The following EFCAB7 variants were observed in gnomAD, a reference collection of about 807,000 sequenced individuals.
EFCAB7 encodes the protein EF-hand calcium binding domain 7.
Under a neutral mutation model 77.1 loss-of-function variants are expected in EFCAB7, and 66 were observed. The ratio of observed to expected loss-of-function variants is 0.86; its 90% CI spans 0.70 to 1.05. The LOEUF (loss-of-function observed/expected upper bound fraction) is 1.05, where lower values mean the gene tolerates loss of function less well. Ranked by LOEUF, EFCAB7 falls within the 50% of genes least tolerant of loss-of-function variation. The pLI, the probability that EFCAB7 is intolerant of heterozygous loss-of-function variation, is 0.00. For synonymous variants in EFCAB7, 225 were observed against 243.3 expected, an observed-to-expected ratio of 0.92 and a Z score of 0.70; for missense variants, 638 against 730.5, an observed-to-expected ratio of 0.87 and a Z score of 1.46.
downstream of EFCAB7, among the ~76,000 whole-genome samples, chr1:63,576,309 G>A (rs1366382633): frequency 2.0e-5 from 3 of 149,072 alleles, no homozygotes; most frequent in Admixed American, 1.3e-4. Context: ...GTGAAACTCT[G>A]TCTCTACTAA....
intron 11 of EFCAB7, among the ~76,000 whole-genome samples, chr1:63,562,449 T>TTATTTATATATA (rs1393426376): frequency 8.9e-5 from 2 of 22,466 alleles, no homozygotes; most frequent in Non-Finnish European, 7.5e-5. Context: ...CTTAATTTAT[T>TTATTTATATATA]TATATATATA....
At chr1:63,582,860 C>T in the EFCAB7 span, among the ~76,000 whole-genome samples, 1 of 152,194 alleles carries the variant, frequency 6.6e-6, no homozygotes, top group Non-Finnish European at 1.5e-5. Flanking sequence ...CCACCTCGGC[C>T]TCCCAAAGTG....
At chr1:63,537,603 G>A (rs1317650426) in intron 6 of EFCAB7, among the ~76,000 whole-genome samples, 1 of 152,040 alleles carries the variant, frequency 6.6e-6, no homozygotes, top group Admixed American at 6.6e-5. Flanking sequence ...ATGTTGATCA[G>A]TTCAACCTGT....
At chr1:63,527,509 A>G (rs1646615371) in intron 2 of EFCAB7, among the ~76,000 whole-genome samples, 1 of 51,108 alleles carries the variant, frequency 2.0e-5, no homozygotes. Flanking sequence ...CTTTTTTGTC[A>G]ATTTATAAAT....
intron 1 of EFCAB7, among the ~76,000 whole-genome samples, chr1:63,525,050 A>G (rs1207819774): frequency 6.6e-6 from 1 of 152,200 alleles, no homozygotes; most frequent in Non-Finnish European, 1.5e-5. Flanking sequence ...GGTGTCAACT[A>G]CCACTCATAT....
intron 10 of EFCAB7, among the ~76,000 whole-genome samples, chr1:63,558,292 G>C (rs1180265877): frequency 6.6e-6 from 1 of 152,158 alleles, no homozygotes; most frequent in Non-Finnish European, 1.5e-5. Context: ...TTTGTGATAA[G>C]TAAAATTCTA....
intron 4 of EFCAB7, 107 bp downstream of exon 4, chr1:63,532,863 G>A: frequency 1.2e-6 from 1 of 816,536 alleles, no homozygotes; most frequent in Non-Finnish European, 2.0e-6. Flanking sequence ...TACATGCAAT[G>A]TTTTGATATA....
chr1:63,581,740 C>G, the EFCAB7 span, among the ~76,000 whole-genome samples: 2 of 152,070 alleles, frequency 1.3e-5, no homozygotes, highest in Non-Finnish European at 2.9e-5. Flanking sequence ...AAAAAACTCA[C>G]TGCATAGCCT....
At chr1:63,532,624 G>C in intron 3 of EFCAB7, 46 bp from the exon 4 acceptor site, 2 of 1,465,470 alleles carry the variant, frequency 1.4e-6, no homozygotes, top group Non-Finnish European at 1.9e-6. Context: ...GAATAACAAA[G>C]GAGTAATCAT....
intron 6 of EFCAB7, among the ~76,000 whole-genome samples, chr1:63,542,307 A>T (rs759715627): frequency 3.3e-5 from 5 of 152,236 alleles, no homozygotes; most frequent in Non-Finnish European, 7.3e-5. Context: ...AGACTGAATA[A>T]TATTCCCTTG....
intron 2 of EFCAB7, chr1:63,529,332 T>G (rs1009569528): frequency 1.3e-5 from 2 of 152,208 alleles, no homozygotes; most frequent in Non-Finnish European, 2.9e-5. Context: ...GAAGAGAATT[T>G]TATTTATGGA....
chr1:63,525,862 C>G, intron 2 of EFCAB7, 103 bp downstream of exon 2: 1 of 767,442 alleles, frequency 1.3e-6, no homozygotes, highest in Non-Finnish European at 2.0e-6. Context: ...ATCCCAGTTT[C>G]TTAGTGAAGC....
At chr1:63,566,338 G>C (rs1353869466) in intron 11 of EFCAB7, among the ~76,000 whole-genome samples, 1 of 152,190 alleles carries the variant, frequency 6.6e-6, no homozygotes, top group Non-Finnish European at 1.5e-5. Context: ...ACACACTAGA[G>C]CCTATCAGAG....
At chr1:63,570,449 C>G (rs1049953180) in intron 12 of EFCAB7, 2 of 152,194 alleles carry the variant, frequency 1.3e-5, no homozygotes, top group Non-Finnish European at 2.9e-5. Context: ...CTAAATACCT[C>G]TGTTACAAGA....
chr1:63,573,191 T>C (rs547353338), downstream of EFCAB7, among the ~76,000 whole-genome samples: 29 of 152,150 alleles, frequency 1.9e-4, no homozygotes, highest in African/African-American at 6.7e-4. Context: ...TATGGAGAGA[T>C]AATGCCGGGT....
chr1:63,531,191 C>T (rs1030537505), intron 2 of EFCAB7, among the ~76,000 whole-genome samples: 33 of 152,040 alleles, frequency 2.2e-4, no homozygotes, highest in African/African-American at 8.0e-4. Flanking sequence ...ACTTAAGTTC[C>T]CCTTCCCAGT....
intron 12 of EFCAB7, chr1:63,569,810 A>G (rs1322765712): frequency 1.3e-5 from 2 of 152,220 alleles, no homozygotes; most frequent in Non-Finnish European, 2.9e-5. Flanking sequence ...CAGTTTTCAA[A>G]TGGACCAATC....
At chr1:63,557,423 G>A (rs757779109) in intron 10 of EFCAB7, among the ~76,000 whole-genome samples, 176 bp downstream of exon 10, 1 of 152,082 alleles carries the variant, frequency 6.6e-6, no homozygotes, top group Non-Finnish European at 1.5e-5. Context: ...TTCTTAAACC[G>A]ATAGTTGGTA....
At chr1:63,568,574 T>C (rs1168081574) in intron 12 of EFCAB7, 55 bp downstream of exon 12, 2 of 1,354,318 alleles carry the variant, frequency 1.5e-6, no homozygotes, top group African/African-American at 1.5e-5. Flanking sequence ...CTAATATATT[T>C]CATCTTATTC....
Sources: allele counts gnomAD v4.1 joint callset (sites outside exome capture counted in the v4.1 genomes callset), GRCh38; gene constraint gnomAD v4.1.1; transcripts MANE v1.5; gene names NCBI Gene and HGNC (gene_info 2026-07-23, HGNC 2026-07-21).